CACNA2D4: variants seen among roughly 807,000 people sequenced by gnomAD.
CACNA2D4 encodes calcium voltage-gated channel auxiliary subunit alpha2delta 4.
A neutral mutation model predicts 163.8 loss-of-function variants in CACNA2D4; 157 were observed. That is an observed-to-expected ratio of 0.96 (90% confidence interval 0.84 to 1.09). The LOEUF (loss-of-function observed/expected upper bound fraction) is 1.09, where lower values mean the gene tolerates loss of function less well. Among genes scored for constraint, CACNA2D4 ranks in the 50% least tolerant of loss-of-function variants. The pLI is 0.00. For synonymous variants in CACNA2D4, 598 were observed against 586.9 expected (o/e 1.02, Z -0.27); for missense variants, 1,410 against 1,479.9 (o/e 0.95, Z 0.78).
In CACNA2D4 at chr12:1,868,759, TCC is replaced by T. The variant is rs1865708988; in HGVS notation, c.1878+5843_1878+5844del. On this transcript the variant is annotated intron_variant, in intron 18 of 37. Transcript: ENST00000382722. Reference sequence around the variant, plus strand: ...AGTTGGTCCTCCCATATCCACAGGTTCCACATCCCTGGATTCGATCAACTGTG... The same window carrying T: ...AGTTGGTCCTCCCATATCCACAGGTTACATCCCTGGATTCGATCAACTGTG... Among the ~76,000 whole-genome samples, 4 of 152,206 alleles carry T rather than the reference TCC, an allele frequency of 2.6e-5. No individual in the cohort carries two copies. The East Asian group carries it at 7.7e-4, about 29-fold the overall frequency.
chr12:1,858,731 A>G, intron 19 of CACNA2D4, 87 bp from the exon 20 acceptor site: 1 of 1,016,966 alleles, frequency 9.8e-7, no homozygotes, highest in Non-Finnish European at 1.4e-6. Context: ...TACCAACACT[A>G]GGTGTATGGG....
chr12:1,900,720 C>A (rs1866517551), intron 6 of CACNA2D4, among the ~76,000 whole-genome samples: 1 of 152,116 alleles, frequency 6.6e-6, no homozygotes. Flanking sequence ...ATTATTAGAG[C>A]TAAATAGAGA....
chr12:1,797,879 G>A (rs1488020280), intron 34 of CACNA2D4, among the ~76,000 whole-genome samples: 1 of 152,166 alleles, frequency 6.6e-6, no homozygotes, highest in East Asian at 1.9e-4. Flanking sequence ...GGGTCTGAGC[G>A]GGGAGCAGAG....
At chr12:1,821,624 G>C (rs1037036271) in intron 26 of CACNA2D4, among the ~76,000 whole-genome samples, 3 of 152,144 alleles carry the variant, frequency 2.0e-5, no homozygotes, top group Admixed American at 1.3e-4. Context: ...CTTGGGTGGG[G>C]GGTACACAGC....
rs11836031 is a variant in CACNA2D4 at position 1,831,287 on chromosome 12, G to A, written c.2551+9452C>T. ...ACAGGGACCTGCTGCGGCACTCGCC[G>A]CTGCTCCGCCACCTGGACCTGTCCA... On this transcript the variant is annotated intron_variant, in intron 26 of 37. Transcript: ENST00000382722. 2.8e-4 allele frequency: 458 copies of A among 1,613,660 alleles called. No homozygotes were observed. In the African/African-American group the frequency reaches 3.0e-3, roughly 11 times the overall value.
rs139262735 is a variant in CACNA2D4 at position 1,875,568 on chromosome 12, G to A, written c.1720-231C>T. On this transcript the variant is annotated intron_variant, in intron 16 of 37. Transcript: ENST00000382722. This position sits in a 1 kb window ranked among gnomAD's most constrained non-coding sequence, Gnocchi z 4.0. Reference sequence around the variant, plus strand: ...GGCCTCTGAGTGAATCTTCCCCATGGCAGGGAGCTCCCTATCTCGTGGGTC... The same window carrying A: ...GGCCTCTGAGTGAATCTTCCCCATGACAGGGAGCTCCCTATCTCGTGGGTC... Among the ~76,000 whole-genome samples, 57 of 152,126 alleles carry A rather than the reference G, an allele frequency of 3.7e-4. No homozygotes were observed. The highest frequency in any genetic ancestry group is 7.2e-4 in the Non-Finnish European group (49 of 67,998).
At chr12:1,793,858 A>AT (rs747911414) in intron 37 of CACNA2D4, 99 bp from the exon 38 acceptor site, 19 of 963,932 alleles carry the variant, frequency 2.0e-5, no homozygotes, top group Non-Finnish European at 2.2e-5. Flanking sequence ...TCCTGGGGAA[A>AT]GGGGAGTTTT....
chr12:1,814,543 T>C (rs1863816175), intron 26 of CACNA2D4, among the ~76,000 whole-genome samples: 1 of 152,236 alleles, frequency 6.6e-6, no homozygotes, highest in African/African-American at 2.4e-5. Context: ...AGCTCTCACT[T>C]TGAACTTAGC....
Position 1,889,587 on chromosome 12 carries a change from C to G in CACNA2D4, c.782-2518G>C, listed in dbSNP as rs557260510. 1.7e-3 allele frequency among the ~76,000 whole-genome samples: 259 copies of G among 151,650 alleles called. 1 individual carries two copies. Among genetic ancestry groups the G allele is most frequent in the Non-Finnish European group, 2.9e-3 (198 of 67,974 alleles). On this transcript the variant is annotated intron_variant, in intron 6 of 37. Transcript: ENST00000382722. Reference sequence around the variant, plus strand: ...GAACCTCCTGCCTCAGCCGCCCCCCCCAGTAGCTGGAACTATAGGTACAAA... The same window carrying G: ...GAACCTCCTGCCTCAGCCGCCCCCCGCAGTAGCTGGAACTATAGGTACAAA...
rs779176973 is a variant in CACNA2D4 at position 1,853,956 on chromosome 12, C to T, written c.2241G>A (p.Met747Ile). 2 of 1,612,808 alleles carry T rather than the reference C, an allele frequency of 1.2e-6. No homozygotes were observed. The highest frequency in any genetic ancestry group is 2.2e-5 in the East Asian group (1 of 44,842). ...EAYWTALALNMSEESEHVVDM... is the reference protein window; with the variant it reads ...EAYWTALALNISEESEHVVDM... Reference sequence around the variant, plus strand: ...ACCTGGGAACCTGGACCTACTCGGACATGTTGAGGGCCAGCGCTGTCCAGT... The same window carrying T: ...ACCTGGGAACCTGGACCTACTCGGATATGTTGAGGGCCAGCGCTGTCCAGT... The change falls in exon 23 of 38, where the codon ATG (methionine) becomes ATA (isoleucine). Residue 747 changes from methionine to isoleucine, a missense_variant. Physicochemically the swap from Met to Ile is conservative, Grantham distance 10. Transcript: ENST00000382722.
Position 1,885,069 on chromosome 12 carries a change from T to G in CACNA2D4, c.1076A>C (p.Lys359Thr). Residue 359 changes from lysine (K) to threonine (T), a missense_variant, in exon 10 of 38, where the codon AAA (lysine) becomes ACA (threonine). By Grantham distance (78) the Lys-to-Thr change is moderately conservative. Transcript: ENST00000382722. ...GACCATCAACTCCTCCACCAGCAGT[T>G]TGAAATGCTGCCATGGGTGAGATAT... ...QADRDNREHF[K>T]LLVEELMVKG... The G allele has an allele frequency of 6.2e-7, 1 of 1,613,682 alleles. No individual in the cohort carries two copies. The highest frequency in any genetic ancestry group is 1.1e-5 in the South Asian group (1 of 91,056).
At chr12:1,853,757 A>G (rs1239569645) in intron 23 of CACNA2D4, among the ~76,000 whole-genome samples, 194 bp downstream of exon 23, 3 of 152,152 alleles carry the variant, frequency 2.0e-5, no homozygotes, top group Non-Finnish European at 4.4e-5. Context: ...CAACCCAGAG[A>G]AAGGAGCTGT....
chr12:1,822,707 T>C (rs1864156044), intron 26 of CACNA2D4, among the ~76,000 whole-genome samples: 1 of 152,154 alleles, frequency 6.6e-6, no homozygotes, highest in Non-Finnish European at 1.5e-5. Flanking sequence ...AGTACAAATA[T>C]AGAGATTTTT....
At chr12:1,873,317 T>C (rs1007469080) in intron 18 of CACNA2D4, among the ~76,000 whole-genome samples, 4 of 152,192 alleles carry the variant, frequency 2.6e-5, no homozygotes, top group Admixed American at 6.5e-5. Flanking sequence ...ATTGCAAATA[T>C]GTAACCCAGA....
intron 20 of CACNA2D4, among the ~76,000 whole-genome samples, chr12:1,857,681 G>C (rs1341484768): frequency 6.6e-6 from 1 of 152,160 alleles, no homozygotes; most frequent in Admixed American, 6.5e-5. Context: ...CGGCAGGAGG[G>C]ATGGGGTTGG....
intron 29 of CACNA2D4, among the ~76,000 whole-genome samples, chr12:1,803,428 C>T (rs575331587): frequency 1.6e-4 from 25 of 152,184 alleles, no homozygotes; most frequent in Non-Finnish European, 3.1e-4. Flanking sequence ...TCCCCAGATG[C>T]GCCCACACCA....
At chr12:1,793,855 G>A in intron 37 of CACNA2D4, 96 bp from the exon 38 acceptor site, 1 of 975,612 alleles carries the variant, frequency 1.0e-6, no homozygotes, top group Non-Finnish European at 1.6e-6. Flanking sequence ...AAATCCTGGG[G>A]AAAGGGGAGT....
chr12:1,858,667 A>C, intron 19 of CACNA2D4, 23 bp from the exon 20 acceptor site: 2 of 1,563,584 alleles, frequency 1.3e-6, no homozygotes, highest in Non-Finnish European at 8.7e-7. Context: ...AAGAGAAGGC[A>C]CTCATTCAGC....
intron 29 of CACNA2D4, among the ~76,000 whole-genome samples, chr12:1,807,758 T>C (rs749132186): frequency 5.3e-5 from 8 of 152,028 alleles, no homozygotes; most frequent in Non-Finnish European, 1.2e-4. Flanking sequence ...TCAGGCTGCA[T>C]GGTCAGAGCT....
Sources: allele counts gnomAD v4.1 joint callset (sites outside exome capture counted in the v4.1 genomes callset), GRCh38; gene constraint gnomAD v4.1.1; non-coding constraint Gnocchi (gnomAD v3.1); transcripts MANE v1.5; gene names NCBI Gene and HGNC (gene_info 2026-07-23, HGNC 2026-07-21).